The following PLCB1 variants were observed in gnomAD, a reference collection of about 807,000 sequenced individuals.
PLCB1 encodes phospholipase C beta 1, also known as 1-phosphatidylinositol 4,5-bisphosphate phosphodiesterase beta-1.
Under a neutral mutation model 161.8 loss-of-function variants are expected in PLCB1, and 46 were observed. The ratio of observed to expected loss-of-function variants is 0.28; its 90% CI spans 0.22 to 0.36. PLCB1 has a LOEUF of 0.36. PLCB1 is among the 10% of genes least tolerant of loss of function. PLCB1 has a pLI of 1.00. For missense variants in PLCB1, 1,016 were observed against 1,472.5 expected, an observed-to-expected ratio of 0.69 and a Z score of 5.07; for synonymous variants, 517 against 503.7, an observed-to-expected ratio of 1.03 and a Z score of -0.35.
intron 3 of PLCB1, among the ~76,000 whole-genome samples, chr20:8,493,188 T>G (rs1229355850): frequency 2.0e-5 from 3 of 152,198 alleles, no homozygotes; most frequent in African/African-American, 7.2e-5. Flanking sequence ...ATTTTCTGTT[T>G]TAGTCAGTCC....
intron 2 of PLCB1, among the ~76,000 whole-genome samples, chr20:8,240,510 A>G (rs536413464): frequency 1.1e-4 from 16 of 151,974 alleles, no homozygotes; most frequent in African/African-American, 3.6e-4. Flanking sequence ...TTCTCCTTAA[A>G]TGGATATTTG....
chr20:8,862,861 T>G (rs1987302600), intron 31 of PLCB1, among the ~76,000 whole-genome samples: 1 of 152,162 alleles, frequency 6.6e-6, no homozygotes, highest in South Asian at 2.1e-4. Context: ...AGTATAATAG[T>G]GTTTCTGAGC....
At chr20:8,739,396 T>C (rs377709212) in intron 21 of PLCB1, 36 bp downstream of exon 21, 3 of 1,303,516 alleles carry the variant, frequency 2.3e-6, no homozygotes, top group African/African-American at 1.4e-5. Flanking sequence ...TTTATCAAAG[T>C]TGCAAAGAAA....
intron 3 of PLCB1, among the ~76,000 whole-genome samples, chr20:8,443,011 G>A (rs1406127727): frequency 7.5e-5 from 11 of 146,086 alleles, no homozygotes; most frequent in African/African-American, 2.8e-4. Context: ...ATGGAGTCTC[G>A]TCCTGTTGCC....
At chr20:8,509,066 A>G (rs73894561) in intron 3 of PLCB1, among the ~76,000 whole-genome samples, 2,197 of 152,168 alleles carry the variant, frequency 0.014, 42 homozygotes, top group African/African-American at 0.051. Context: ...CACTTCCTAA[A>G]CTGTCTTATT....
At position 8,356,115 on chromosome 20, in the gene PLCB1, C is replaced by T. The variant is rs574347430; in HGVS notation, c.178-15267C>T. Among the ~76,000 whole-genome samples, 81 of 152,018 alleles carry T rather than the reference C, an allele frequency of 5.3e-4. 1 individual carries two copies. Among genetic ancestry groups the T allele is most frequent in the African/African-American group, 1.9e-3 (78 of 41,466 alleles). ...TCAACTTTTAGTTATATATTTTGTT[C>T]AAAAATAACATCTGATCATCATAAA... On this transcript the variant is annotated intron_variant, in intron 2 of 31. Transcript: ENST00000338037.
chr20:8,356,553 G>C (rs1179191862), intron 2 of PLCB1, among the ~76,000 whole-genome samples: 1 of 152,082 alleles, frequency 6.6e-6, no homozygotes, highest in Non-Finnish European at 1.5e-5. Context: ...TACTTGATGT[G>C]TCCCAGCTTT....
chr20:8,214,889 C>T (rs1405392852), intron 2 of PLCB1, among the ~76,000 whole-genome samples: 1 of 151,134 alleles, frequency 6.6e-6, no homozygotes, highest in Non-Finnish European at 1.5e-5. Flanking sequence ...ACTGTTTGCA[C>T]TTTCTTGCTT....
chr20:8,540,305 C>CT (rs985295707), intron 3 of PLCB1, among the ~76,000 whole-genome samples: 2 of 151,890 alleles, frequency 1.3e-5, no homozygotes, highest in African/African-American at 2.4e-5. Flanking sequence ...TGGGACTTCT[C>CT]TTTTTTTTAC....
intron 3 of PLCB1, among the ~76,000 whole-genome samples, chr20:8,424,075 A>G (rs1179786473): frequency 6.6e-6 from 1 of 152,156 alleles, no homozygotes; most frequent in Non-Finnish European, 1.5e-5. Flanking sequence ...CTTCCATTTT[A>G]CAATTCCTTA....
chr20:8,749,640 G>A (rs1981349518), intron 23 of PLCB1, among the ~76,000 whole-genome samples: 1 of 152,086 alleles, frequency 6.6e-6, no homozygotes, highest in Non-Finnish European at 1.5e-5. Flanking sequence ...CAAGTTGGTA[G>A]GAACTTTTTT....
At chr20:8,510,704 T>C (rs1202623058) in intron 3 of PLCB1, among the ~76,000 whole-genome samples, 1 of 152,226 alleles carries the variant, frequency 6.6e-6, no homozygotes, top group African/African-American at 2.4e-5. Flanking sequence ...CTGATCTTTT[T>C]CAAACTGCAA....
At chr20:8,319,244 G>A (rs1374614179) in intron 2 of PLCB1, among the ~76,000 whole-genome samples, 18 of 152,198 alleles carry the variant, frequency 1.2e-4, no homozygotes, top group Middle Eastern at 6.8e-3. Flanking sequence ...AGTGGCTTAC[G>A]ATAATAAGCA....
chr20:8,672,468 T>A (rs1989971744), intron 9 of PLCB1, among the ~76,000 whole-genome samples: 1 of 151,972 alleles, frequency 6.6e-6, no homozygotes, highest in Non-Finnish European at 1.5e-5. Context: ...TTGATCCTTT[T>A]TCCTTTAGCA....
chr20:8,250,274 C>A (rs1163683190), intron 2 of PLCB1, among the ~76,000 whole-genome samples: 31 of 151,926 alleles, frequency 2.0e-4, no homozygotes, highest in Non-Finnish European at 5.9e-5. Flanking sequence ...AGCAATCTTA[C>A]TCCTTTAGTG....
chr20:8,812,899 G>C (rs1202230169), intron 31 of PLCB1, among the ~76,000 whole-genome samples: 1 of 152,194 alleles, frequency 6.6e-6, no homozygotes, highest in South Asian at 2.1e-4. Flanking sequence ...TCCTGTCATG[G>C]GAAGTGTGGC....
At chr20:8,270,881 A>T (rs1466658543) in intron 2 of PLCB1, among the ~76,000 whole-genome samples, 1 of 152,134 alleles carries the variant, frequency 6.6e-6, no homozygotes, top group African/African-American at 2.4e-5. Context: ...GCATTTAAAA[A>T]ATTATGGAGC....
intron 2 of PLCB1, among the ~76,000 whole-genome samples, chr20:8,261,404 T>C (rs948612531): frequency 6.6e-6 from 1 of 152,152 alleles, no homozygotes; most frequent in Non-Finnish European, 1.5e-5. Flanking sequence ...CCAAAATTCA[T>C]GTTAGCAAGG....
chr20:8,549,801 G>A (rs1180034563), intron 3 of PLCB1, among the ~76,000 whole-genome samples: 1 of 152,146 alleles, frequency 6.6e-6, no homozygotes, highest in Non-Finnish European at 1.5e-5. Flanking sequence ...AAACTCCTGA[G>A]CTCAAAGCAA....
Sources: gnomAD v4.1 joint callset for allele counts (sites outside exome capture counted in the v4.1 genomes callset) on GRCh38, gnomAD v4.1.1 for gene constraint, MANE v1.5 for transcripts, NCBI Gene and HGNC (gene_info 2026-07-23, HGNC 2026-07-21) for gene names.